Variants in ABCB11 observed in about 807,000 individuals in gnomAD.
ABCB11 encodes ATP binding cassette subfamily B member 11, also known as bile salt export pump.
ABCB11 carries 95 observed loss-of-function variants against 148.0 expected under a neutral mutation model. That is an observed-to-expected ratio of 0.64 (90% CI 0.54 to 0.76). The LOEUF (loss-of-function observed/expected upper bound fraction) is 0.76. ABCB11 is among the 30% of genes least tolerant of loss of function. The probability of loss-of-function intolerance (pLI) is 0.00; values close to 1 mark genes in which losing one functional copy is unlikely to be tolerated. For missense variants in ABCB11, 1,523 were observed against 1,617.8 expected (o/e 0.94, Z 1.01); for synonymous variants, 591 against 555.4 (o/e 1.06, Z -0.90).
At chr2:169,026,453 T>A (rs965880981) in intron 1 of ABCB11, among the ~76,000 whole-genome samples, 1 of 152,194 alleles carries the variant, frequency 6.6e-6, no homozygotes, top group Non-Finnish European at 1.5e-5. Flanking sequence ...TTGAAGGCCA[T>A]TGTGCTGAAA....
At position 168,923,576 on chromosome 2, in the gene ABCB11, C is replaced by A. The variant is rs1445018891; in HGVS notation, c.*46G>T. 6.3e-7 allele frequency: 1 copy of A among 1,575,596 alleles called. No homozygotes were observed. Among genetic ancestry groups the A allele is most frequent in the Non-Finnish European group, 8.7e-7 (1 of 1,145,960 alleles). On this transcript the variant is annotated 3_prime_UTR_variant, in exon 28 of 28. Coordinates refer to ENST00000650372, the MANE Select transcript of ABCB11 (RefSeq NM_003742.4). ...GGATTGTTTTTTTCTTTAAAAACAACCCCTGTAACTGGTGCGTCATGTGTG... is the reference window on the plus strand; with the variant it reads ...GGATTGTTTTTTTCTTTAAAAACAAACCCTGTAACTGGTGCGTCATGTGTG...
chr2:169,013,888 G>A (rs1695273416), intron 4 of ABCB11, among the ~76,000 whole-genome samples: 1 of 152,134 alleles, frequency 6.6e-6, no homozygotes, highest in African/African-American at 2.4e-5. Flanking sequence ...ACTATAAATT[G>A]TTTTGTTGAA....
intron 21 of ABCB11, among the ~76,000 whole-genome samples, chr2:168,941,222 T>C (rs2685810): frequency 0.49 from 74,471 of 151,636 alleles, 19,329 homozygotes; most frequent in South Asian, 0.66. Flanking sequence ...TTGAAAACCC[T>C]CTGGAAAGGA....
chr2:168,952,790 C>A (rs1356295573), intron 19 of ABCB11, among the ~76,000 whole-genome samples: 1 of 150,018 alleles, frequency 6.7e-6, no homozygotes, highest in East Asian at 2.0e-4. Flanking sequence ...TCTTGAAGTG[C>A]AATGATAGAT....
At chr2:168,933,371 TCTAA>T (rs1691670198) in intron 23 of ABCB11, among the ~76,000 whole-genome samples, 4 of 152,314 alleles carry the variant, frequency 2.6e-5, no homozygotes, top group African/African-American at 9.6e-5. Context: ...TGTCTTAGCC[TCTAA>T]CTATAGTCAA....
intron 21 of ABCB11, 120 bp downstream of exon 21, chr2:168,944,485 A>C: frequency 9.1e-7 from 1 of 1,097,502 alleles, no homozygotes; most frequent in Middle Eastern, 2.2e-4. Context: ...ATGTGGCTTT[A>C]GGATATCCCA....
intron 1 of ABCB11, among the ~76,000 whole-genome samples, chr2:169,022,605 A>G (rs375305025): frequency 1.3e-5 from 2 of 152,182 alleles, no homozygotes; most frequent in East Asian, 3.9e-4. Flanking sequence ...GTTACAGGCA[A>G]ATTTTACCAA....
chr2:168,996,642 T>C lies in ABCB11; in HGVS notation c.470A>G (p.Tyr157Cys). The C allele has an allele frequency of 1.3e-5, 20 of 1,523,878 alleles. No homozygotes were observed. Among genetic ancestry groups the C allele is most frequent in the Non-Finnish European group, 1.6e-5 (18 of 1,127,020 alleles). The allele number at this position is 1,523,878 out of a possible 1,614,324, so 94.4% of individuals were successfully genotyped here. Reference sequence around the variant, plus strand: ...TACGGAGGAGCTACTAACTTGAATATATCCTGTGATAAGTACTGCGACAGC... The same window carrying C: ...TACGGAGGAGCTACTAACTTGAATACATCCTGTGATAAGTACTGCGACAGC... ...GIAVAVLITG[Y>C]IQICFWVIAA... is the part of the protein sequence containing the mutation. The change falls in exon 6 of 28, where the codon TAT (tyrosine) becomes TGT (cysteine). Residue 157 changes from tyrosine (Y) to cysteine (C), a missense_variant. Transcript: ENST00000650372.
chr2:169,022,855 G>A (rs934689155), intron 1 of ABCB11, among the ~76,000 whole-genome samples: 22 of 151,916 alleles, frequency 1.4e-4, no homozygotes, highest in Non-Finnish European at 2.4e-4. Flanking sequence ...GGAATGCAAT[G>A]ATTATTTAAG....
At chr2:168,935,470 C>T (rs772787685) in intron 22 of ABCB11, 45 bp from the exon 23 acceptor site, 3 of 1,574,178 alleles carry the variant, frequency 1.9e-6, no homozygotes, top group Non-Finnish European at 2.6e-6. Context: ...GCAGAAATAA[C>T]TCCTTTCGTG....
intron 21 of ABCB11, among the ~76,000 whole-genome samples, chr2:168,937,191 TC>T (rs1419856883): frequency 6.6e-6 from 1 of 152,210 alleles, no homozygotes; most frequent in African/African-American, 2.4e-5. Flanking sequence ...CTAGCTTCAT[TC>T]CCTTTTAAAA....
At chr2:169,008,047 C>A (rs773638841) in intron 5 of ABCB11, among the ~76,000 whole-genome samples, 2 of 152,112 alleles carry the variant, frequency 1.3e-5, no homozygotes, top group Non-Finnish European at 2.9e-5. Flanking sequence ...GTGCAAATGG[C>A]CAACAAGCAC....
chr2:168,958,175 C>A lies in ABCB11; in HGVS notation c.2179-47G>T, dbSNP rs553614329. Reference sequence around the variant, plus strand: ...ATTAATCATCTAAATGTACTCAAGACATTTTGCAGCAGATCCTTTGGCATT... The same window carrying A: ...ATTAATCATCTAAATGTACTCAAGAAATTTTGCAGCAGATCCTTTGGCATT... On this transcript the variant is annotated intron_variant, in intron 18 of 27. Coordinates refer to ENST00000650372, the MANE Select transcript of ABCB11 (RefSeq NM_003742.4). The A allele has an allele frequency of 8.1e-5, 126 of 1,558,412 alleles. No homozygotes were observed. The South Asian group carries it at 1.4e-3, about 17-fold the overall frequency.
chr2:169,018,150 A>G lies in ABCB11; in HGVS notation c.-25T>C. The G allele has an allele frequency of 6.2e-7, 1 of 1,609,698 alleles. No homozygotes were observed. The highest frequency in any genetic ancestry group is 2.2e-5 in the East Asian group (1 of 44,816). On this transcript the variant is annotated splice_region_variant and 5_prime_UTR_variant, in exon 2 of 28. Transcript: ENST00000650372. ...TGGTAATTGCAACCCACAGCCAACGACCCTATAAAATAAAATAAAAGAATC... is the reference window on the plus strand; with the variant it reads ...TGGTAATTGCAACCCACAGCCAACGGCCCTATAAAATAAAATAAAAGAATC...
chr2:169,021,104 G>A (rs1035942755), intron 1 of ABCB11, among the ~76,000 whole-genome samples: 7 of 151,610 alleles, frequency 4.6e-5, no homozygotes, highest in Admixed American at 2.6e-4. Flanking sequence ...CTGGGATTAC[G>A]GGTATGAGCC....
At chr2:168,916,659 C>T (rs555125267), downstream of ABCB11, among the ~76,000 whole-genome samples, 1 of 152,282 alleles carries the variant, frequency 6.6e-6, no homozygotes, top group Non-Finnish European at 1.5e-5. Context: ...TTACTTTCAC[C>T]TGCCGTCTCA....
In ABCB11 at chr2:168,926,134, G is replaced by T. The variant is rs571275876; in HGVS notation, c.3618+1022C>A. On this transcript the variant is annotated intron_variant, in intron 26 of 27. Transcript: ENST00000650372. ...TATTTTTAAAAAGTAAGTAGAGAAG[G>T]TTAAAGGTAAAATTTGGCCCTACAA... Among the ~76,000 whole-genome samples, 123 of 152,252 alleles carry T rather than the reference G, an allele frequency of 8.1e-4. 1 individual carries two copies. The Middle Eastern group carries it at 0.01, about 13-fold the overall frequency.
intron 26 of ABCB11, among the ~76,000 whole-genome samples, chr2:168,925,308 A>T (rs927639452): frequency 2.0e-5 from 3 of 152,146 alleles, no homozygotes; most frequent in Non-Finnish European, 4.4e-5. Context: ...AATTATTTAA[A>T]TTTTTTTGAG....
chr2:168,986,896 T>C (rs1694345169), intron 9 of ABCB11, among the ~76,000 whole-genome samples: 1 of 152,200 alleles, frequency 6.6e-6, no homozygotes, highest in Admixed American at 6.5e-5. Flanking sequence ...TTGTCTCATA[T>C]ATAGCTCAGG....
Sources: gnomAD v4.1 joint callset for allele counts (sites outside exome capture counted in the v4.1 genomes callset) on GRCh38, gnomAD v4.1.1 for gene constraint, MANE v1.5 for transcripts, NCBI Gene and HGNC (gene_info 2026-07-23, HGNC 2026-07-21) for gene names.